CNTNAP2: variants seen among roughly 807,000 people sequenced by gnomAD.
CNTNAP2 encodes contactin-associated protein-like 2.
A neutral mutation model predicts 155.2 loss-of-function variants in CNTNAP2; 98 were observed. That is an observed-to-expected ratio of 0.63 (90% CI 0.54 to 0.75). CNTNAP2 has a LOEUF of 0.75. Ranked by LOEUF, CNTNAP2 falls within the 30% of genes least tolerant of loss-of-function variation. CNTNAP2 has a pLI of 0.00. For synonymous variants in CNTNAP2, 651 were observed against 631.2 expected (o/e 1.03, Z -0.47); for missense variants, 1,727 against 1,688.1 (o/e 1.02, Z -0.40).
intron 21 of CNTNAP2, among the ~76,000 whole-genome samples, chr7:148,355,216 C>G (rs1366865005): frequency 4.3e-5 from 4 of 92,566 alleles, no homozygotes; most frequent in Non-Finnish European, 7.6e-5. Context: ...GAGTCTTGCT[C>G]TGTCGCCCAG....
At chr7:146,660,519 G>C (rs149522023) in intron 1 of CNTNAP2, among the ~76,000 whole-genome samples, 1 of 152,134 alleles carries the variant, frequency 6.6e-6, no homozygotes, top group African/African-American at 2.4e-5. Flanking sequence ...AATTAAAAGA[G>C]GTAATGTGTA....
intron 1 of CNTNAP2, among the ~76,000 whole-genome samples, chr7:146,359,696 T>G (rs1292532869): frequency 6.6e-6 from 1 of 152,228 alleles, no homozygotes; most frequent in African/African-American, 2.4e-5. Context: ...AATATTAATC[T>G]TATTATAATG....
intron 3 of CNTNAP2, among the ~76,000 whole-genome samples, chr7:146,996,537 T>A (rs1798310914): frequency 6.6e-6 from 1 of 152,252 alleles, no homozygotes; most frequent in South Asian, 2.1e-4. Context: ...GAAACACTAC[T>A]GATTTTGATT....
chr7:146,878,813 C>T (rs1425711073), intron 3 of CNTNAP2, among the ~76,000 whole-genome samples: 1 of 152,090 alleles, frequency 6.6e-6, no homozygotes, highest in Non-Finnish European at 1.5e-5. Flanking sequence ...CGCTTTCTTC[C>T]ACCCTCTCCA....
chr7:146,384,033 G>T (rs1795427056), intron 1 of CNTNAP2, among the ~76,000 whole-genome samples: 1 of 152,152 alleles, frequency 6.6e-6, no homozygotes, highest in Non-Finnish European at 1.5e-5. Context: ...TTTGGCTCAT[G>T]CTCAGATGGC....
intron 1 of CNTNAP2, among the ~76,000 whole-genome samples, chr7:146,184,156 G>A (rs1481805241): frequency 1.3e-5 from 2 of 152,098 alleles, no homozygotes; most frequent in East Asian, 1.9e-4. Context: ...CAAAAATCAC[G>A]GACTATAAGT....
chr7:147,397,949 A>G (rs180870040), intron 10 of CNTNAP2, among the ~76,000 whole-genome samples: 2,553 of 151,938 alleles, frequency 0.017, 72 homozygotes, highest in African/African-American at 0.058. Flanking sequence ...CCATTATGGG[A>G]CCTATTTTTA....
chr7:147,624,086 C>G (rs142683227), intron 12 of CNTNAP2, among the ~76,000 whole-genome samples: 2,422 of 152,164 alleles, frequency 0.016, 215 homozygotes, highest in Admixed American at 0.14. Context: ...AGACTTCTGT[C>G]TCTCAACATA....
chr7:148,392,919 TCAC>T (rs1799384754), intron 22 of CNTNAP2, among the ~76,000 whole-genome samples: 1 of 502 alleles, frequency 2.0e-3, no homozygotes, highest in Non-Finnish European at 4.6e-3. Flanking sequence ...AGCTAGGAAC[TCAC>T]TCAGGCTTCC....
chr7:147,539,611 G>C (rs761261559), intron 11 of CNTNAP2, among the ~76,000 whole-genome samples: 1 of 152,148 alleles, frequency 6.6e-6, no homozygotes, highest in Admixed American at 6.6e-5. Flanking sequence ...CATTTGTTCA[G>C]ACCAGGAAAA....
intron 13 of CNTNAP2, among the ~76,000 whole-genome samples, chr7:147,770,191 C>T (rs1048131859): frequency 2.0e-5 from 3 of 152,180 alleles, no homozygotes; most frequent in Admixed American, 1.3e-4. Context: ...CTTGCTGTCT[C>T]CATTATGTGC....
intron 18 of CNTNAP2, among the ~76,000 whole-genome samples, chr7:148,179,883 A>G (rs1052077178): frequency 6.6e-6 from 1 of 152,174 alleles, no homozygotes; most frequent in Non-Finnish European, 1.5e-5. Context: ...CCTCCTAGAG[A>G]AACATTTCTT....
At chr7:147,119,466 G>T (rs1393898283) in intron 5 of CNTNAP2, among the ~76,000 whole-genome samples, 1 of 152,126 alleles carries the variant, frequency 6.6e-6, no homozygotes, top group African/African-American at 2.4e-5. Flanking sequence ...TCTACCTGCT[G>T]CTCAGTCTAC....
intron 15 of CNTNAP2, among the ~76,000 whole-genome samples, chr7:147,982,922 G>A (rs545405683): frequency 6.6e-6 from 1 of 150,928 alleles, no homozygotes; most frequent in South Asian, 2.1e-4. Flanking sequence ...GGAGGCTGAG[G>A]CAGGAGAATC....
intron 11 of CNTNAP2, among the ~76,000 whole-genome samples, chr7:147,503,008 G>A (rs1463862751): frequency 6.6e-6 from 1 of 152,062 alleles, no homozygotes; most frequent in Non-Finnish European, 1.5e-5. Context: ...AGGATGCTAA[G>A]GGTGTTTGAT....
intron 14 of CNTNAP2, among the ~76,000 whole-genome samples, chr7:147,969,258 C>T (rs996526075): frequency 9.2e-5 from 14 of 152,232 alleles, no homozygotes; most frequent in African/African-American, 3.4e-4. Flanking sequence ...GCCATATTGC[C>T]CAGGCTGGTC....
At chr7:147,083,526 A>ATATATATATACATATATATATATG (rs1563070243) in intron 4 of CNTNAP2, among the ~76,000 whole-genome samples, 3 of 84,924 alleles carry the variant, frequency 3.5e-5, no homozygotes, top group Non-Finnish European at 7.8e-5. Context: ...ATCATTTTAT[A>ATATATATATACATATATATATATG]TATATATATA....
At chr7:147,650,330 GC>G (rs1369504062) in intron 13 of CNTNAP2, among the ~76,000 whole-genome samples, 4 of 152,140 alleles carry the variant, frequency 2.6e-5, no homozygotes, top group Non-Finnish European at 4.4e-5. Flanking sequence ...TTAGCTGGGT[GC>G]TATGAGAATA....
intron 3 of CNTNAP2, among the ~76,000 whole-genome samples, chr7:146,918,509 C>T (rs1387891473): frequency 6.6e-6 from 1 of 152,152 alleles, no homozygotes; most frequent in African/African-American, 2.4e-5. Flanking sequence ...GATAGGACTC[C>T]AGTCCCTTCT....
Sources: allele counts gnomAD v4.1 joint callset (sites outside exome capture counted in the v4.1 genomes callset), GRCh38; gene constraint gnomAD v4.1.1; transcripts MANE v1.5; gene names NCBI Gene and HGNC (gene_info 2026-07-23, HGNC 2026-07-21).